Variants in SHQ1 observed in about 807,000 individuals in gnomAD.
The protein encoded by SHQ1 is protein SHQ1 homolog.
SHQ1 carries 49 observed loss-of-function variants against 53.8 expected under a neutral mutation model. The ratio of observed to expected loss-of-function variants is 0.91; its 90% CI spans 0.72 to 1.16. The LOEUF (loss-of-function observed/expected upper bound fraction) is 1.16. SHQ1 is among the 50% of genes most tolerant of loss of function. The probability of loss-of-function intolerance (pLI) is 0.00; values close to 1 mark genes in which losing one functional copy is unlikely to be tolerated. For synonymous variants in SHQ1, 243 were observed against 251.0 expected, an observed-to-expected ratio of 0.97 and a Z score of 0.30; for missense variants, 738 against 683.1, an observed-to-expected ratio of 1.08 and a Z score of -0.90.
chr3:72,800,637 G>A (rs535693227), intron 9 of SHQ1, among the ~76,000 whole-genome samples: 2 of 152,284 alleles, frequency 1.3e-5, no homozygotes, highest in South Asian at 2.1e-4. Context: ...CAAATTGTAT[G>A]ATCCTGTTTA....
At position 72,823,654 on chromosome 3, in the gene SHQ1, G is replaced by C. The variant is rs547921975; in HGVS notation, c.727+770C>G. On this transcript the variant is annotated intron_variant, in intron 6 of 10. Coordinates refer to ENST00000325599, the MANE Select transcript of SHQ1 (RefSeq NM_018130.3). The stretch of plus-strand genomic sequence containing the variant: ...ACACACACTACAAATTGAAAACAAG[G>C]TACAAACCGGGTATACGTGAGTCTA... Among the ~76,000 whole-genome samples the C allele has an allele frequency of 1.7e-4, 26 of 152,214 alleles. No homozygotes were observed. The South Asian group carries it at 5.4e-3, about 32-fold the overall frequency.
At chr3:72,777,127 T>C (rs1446303167) in intron 10 of SHQ1, among the ~76,000 whole-genome samples, 1 of 152,128 alleles carries the variant, frequency 6.6e-6, no homozygotes, top group Non-Finnish European at 1.5e-5. Context: ...GGAGAATATC[T>C]CTATAACATC....
chr3:72,836,974 C>T (rs772952678), intron 4 of SHQ1, among the ~76,000 whole-genome samples: 6 of 152,124 alleles, frequency 3.9e-5, no homozygotes, highest in East Asian at 1.9e-4. Flanking sequence ...GTGGGTATCC[C>T]GGAAACAATG....
intron 10 of SHQ1, among the ~76,000 whole-genome samples, chr3:72,775,605 C>A (rs955406049): frequency 6.6e-6 from 1 of 151,898 alleles, no homozygotes; most frequent in Non-Finnish European, 1.5e-5. Context: ...AAATTATAGG[C>A]CAATTTCTCT....
intron 9 of SHQ1, among the ~76,000 whole-genome samples, chr3:72,812,078 TCCTTAAAG>T (rs1707140470): frequency 6.6e-6 from 1 of 152,222 alleles, no homozygotes. Flanking sequence ...ATTTTCCACA[TCCTTAAAG>T]CTAACGAGTG....
intron 10 of SHQ1, 92 bp downstream of exon 10, chr3:72,792,824 C>A: frequency 2.9e-6 from 2 of 700,278 alleles, no homozygotes; most frequent in Non-Finnish European, 4.7e-6. Context: ...CAACTTACTC[C>A]TCAGGTTATT....
At chr3:72,830,549 A>G (rs1285943020) in intron 5 of SHQ1, among the ~76,000 whole-genome samples, 1 of 152,190 alleles carries the variant, frequency 6.6e-6, no homozygotes, top group Non-Finnish European at 1.5e-5. Context: ...TAAAAATTAA[A>G]AAGAATTTTA....
At chr3:72,738,087 A>G in the SHQ1 span, among the ~76,000 whole-genome samples, 1 of 152,068 alleles carries the variant, frequency 6.6e-6, no homozygotes. Flanking sequence ...CACCTGAGAC[A>G]TGAACACCCC....
In SHQ1 at chr3:72,817,396, C is replaced by T. The variant is rs143817249; in HGVS notation, c.728-12G>A. ...TTCAGAAAAAGACACTAGAAGAAAA[C>T]GCATTTAAAAACTAGATGTTTCATT... On this transcript the variant is annotated splice_polypyrimidine_tract_variant and intron_variant, in intron 6 of 10. Transcript: ENST00000325599. 434 of 1,593,686 alleles carry T rather than the reference C, an allele frequency of 2.7e-4. 3 individuals carry two copies. In the East Asian group the frequency reaches 5.6e-3, roughly 21 times the overall value.
chr3:72,732,912 C>T, the SHQ1 span, among the ~76,000 whole-genome samples: 1 of 151,666 alleles, frequency 6.6e-6, no homozygotes, highest in South Asian at 2.1e-4. Context: ...TTAAAGGGGA[C>T]AGATGGGTGC....
At chr3:72,772,003 A>AG (rs148234935) in intron 10 of SHQ1, among the ~76,000 whole-genome samples, 5,539 of 152,202 alleles carry the variant, frequency 0.036, 301 homozygotes, top group African/African-American at 0.11. Flanking sequence ...GCGACAGTGC[A>AG]GGGGGAATTA....
chr3:72,759,447 T>C (rs561923185), intron 10 of SHQ1, among the ~76,000 whole-genome samples: 132 of 152,284 alleles, frequency 8.7e-4, no homozygotes, highest in Admixed American at 1.4e-3. Flanking sequence ...TCCCAGCACT[T>C]TGGGAGGCCA....
At position 72,848,336 on chromosome 3, in the gene SHQ1, A is replaced by T. The variant is rs1708424172; in HGVS notation, c.5T>A (p.Leu2Gln). 1 of 1,613,816 alleles carries T rather than the reference A, an allele frequency of 6.2e-7. No individual in the cohort carries two copies. Among genetic ancestry groups the T allele is most frequent in the Non-Finnish European group, 8.5e-7 (1 of 1,179,916 alleles). ...CTGGCTGAGGTCGAACGCCGGGGTCAGCATCGCCGCACCGGACGCAAGGGC... is the reference window on the plus strand; with the variant it reads ...CTGGCTGAGGTCGAACGCCGGGGTCTGCATCGCCGCACCGGACGCAAGGGC... M[L>Q]TPAFDLSQDP... Residue 2 changes from leucine to glutamine, a missense_variant, in exon 1 of 11, where the codon CTG (leucine) becomes CAG (glutamine). By Grantham distance (113) the Leu-to-Gln change is moderately radical. Transcript: ENST00000325599.
chr3:72,802,723 T>C (rs1294481319), intron 9 of SHQ1, among the ~76,000 whole-genome samples: 1 of 152,140 alleles, frequency 6.6e-6, no homozygotes, highest in Admixed American at 6.5e-5. Flanking sequence ...GTCTATGCTG[T>C]TTGCTCCTTC....
In SHQ1 at chr3:72,848,370, C is replaced by G; in HGVS notation, c.-30G>C. 6.2e-7 allele frequency: 1 copy of G among 1,610,718 alleles called. No individual in the cohort carries two copies. The highest frequency in any genetic ancestry group is 8.5e-7 in the Non-Finnish European group (1 of 1,178,104). ...GCACCGGACGCAAGGGCCGGCGCCG[C>G]TCGCTCTCACTGCCGCCGCGTTCCC... On this transcript the variant is annotated 5_prime_UTR_variant, in exon 1 of 11. Transcript: ENST00000325599.
At chr3:72,784,123 TAA>T (rs1191133419) in intron 10 of SHQ1, among the ~76,000 whole-genome samples, 1 of 104,220 alleles carries the variant, frequency 9.6e-6, no homozygotes, top group Non-Finnish European at 2.1e-5. Flanking sequence ...TATTCTAAAA[TAA>T]AAAGTCTACC....
chr3:72,812,684 C>A lies in SHQ1; in HGVS notation c.1047G>T (p.Lys349Asn). 1 of 1,614,072 alleles carries A rather than the reference C, an allele frequency of 6.2e-7. No individual in the cohort carries two copies. The highest frequency in any genetic ancestry group is 8.5e-7 in the Non-Finnish European group (1 of 1,179,992). Reference sequence around the variant, plus strand: ...GTAATATCTTACCCAGTTGCAATATCTTTATAGTGTCCCTGTAGGCCTTCA... The same window carrying A: ...GTAATATCTTACCCAGTTGCAATATATTTATAGTGTCCCTGTAGGCCTTCA... ...LVMKAYRDTI[K>N]ILQLGKSAVL... The change falls in exon 9 of 11, where the codon AAG becomes AAT. Residue 349 changes from lysine to asparagine, a missense_variant. Lys to Asn is a moderately conservative substitution (Grantham distance 94, BLOSUM62 0). Coordinates refer to ENST00000325599, the MANE Select transcript of SHQ1 (RefSeq NM_018130.3).
intron 10 of SHQ1, among the ~76,000 whole-genome samples, chr3:72,790,141 T>A (rs1575694901): frequency 6.6e-6 from 1 of 152,326 alleles, no homozygotes; most frequent in East Asian, 1.9e-4. Flanking sequence ...TGGTAAAATC[T>A]GTAACTCAGA....
chr3:72,846,000 C>T (rs907125227), intron 1 of SHQ1, among the ~76,000 whole-genome samples: 1 of 152,132 alleles, frequency 6.6e-6, no homozygotes, highest in African/African-American at 2.4e-5. Flanking sequence ...GTTAATTATT[C>T]TTCAAGAATC....
Sources: gnomAD v4.1 joint callset for allele counts (sites outside exome capture counted in the v4.1 genomes callset) on GRCh38, gnomAD v4.1.1 for gene constraint, MANE v1.5 for transcripts, NCBI Gene and HGNC (gene_info 2026-07-23, HGNC 2026-07-21) for gene names.